The following WNT2 variants were observed in gnomAD, a reference collection of about 807,000 sequenced individuals.
The protein encoded by WNT2 is protein Wnt-2.
Under a neutral mutation model 36.9 loss-of-function variants are expected in WNT2, and 12 were observed. The observed-to-expected ratio is 0.33, with a 90% CI of 0.21 to 0.53. The LOEUF is 0.53. Ranked by LOEUF, WNT2 falls within the 20% of genes least tolerant of loss-of-function variation. The probability of loss-of-function intolerance (pLI) is 0.95; values close to 1 mark genes in which losing one functional copy is unlikely to be tolerated. For synonymous variants in WNT2, 163 were observed against 174.6 expected, an observed-to-expected ratio of 0.93 and a Z score of 0.52; for missense variants, 379 against 473.1, an observed-to-expected ratio of 0.80 and a Z score of 1.84.
chr7:117,298,793 G>A (rs147900569), intron 3 of WNT2, among the ~76,000 whole-genome samples: 158 of 152,296 alleles, frequency 1.0e-3, no homozygotes, highest in African/African-American at 3.4e-3. Context: ...CAAGTGAAGA[G>A]ATTATTAGCA....
At chr7:117,317,251 A>C (rs1203698422) in intron 2 of WNT2, among the ~76,000 whole-genome samples, 1 of 152,192 alleles carries the variant, frequency 6.6e-6, no homozygotes, top group African/African-American at 2.4e-5. Flanking sequence ...CAACAAGAGA[A>C]ATAAATTGTC....
intron 3 of WNT2, among the ~76,000 whole-genome samples, chr7:117,309,423 T>G (rs1795080156): frequency 6.6e-6 from 1 of 152,118 alleles, no homozygotes; most frequent in Non-Finnish European, 1.5e-5. Flanking sequence ...ACTAGAAATT[T>G]TGGACCCCCT....
chr7:117,293,348 A>G (rs1794727774), intron 4 of WNT2, among the ~76,000 whole-genome samples: 1 of 152,124 alleles, frequency 6.6e-6, no homozygotes, highest in Non-Finnish European at 1.5e-5. Context: ...GTCAGTTCCA[A>G]ATACTGATTC....
chr7:117,304,038 C>T (rs1370686669), intron 3 of WNT2, among the ~76,000 whole-genome samples: 1 of 152,200 alleles, frequency 6.6e-6, no homozygotes, highest in Non-Finnish European at 1.5e-5. Flanking sequence ...CATGTTTTCT[C>T]TTTTGATGTA....
intron 3 of WNT2, among the ~76,000 whole-genome samples, chr7:117,305,778 T>A (rs906159858): frequency 6.6e-6 from 1 of 152,164 alleles, no homozygotes; most frequent in South Asian, 2.1e-4. Context: ...GCTCGAGTGA[T>A]CCTCCTACCT....
At chr7:117,313,847 T>A (rs1477592465) in intron 3 of WNT2, among the ~76,000 whole-genome samples, 2 of 152,170 alleles carry the variant, frequency 1.3e-5, no homozygotes, top group African/African-American at 4.8e-5. Flanking sequence ...TTCATGAAAA[T>A]TAGGAATGTT....
intron 4 of WNT2, 107 bp downstream of exon 4, chr7:117,297,505 G>A: frequency 7.3e-7 from 1 of 1,368,154 alleles, no homozygotes. Context: ...AGGATCGTGA[G>A]CTTTGAACCT....
At chr7:117,292,805 GTTTA>G (rs1794715205) in intron 4 of WNT2, among the ~76,000 whole-genome samples, 1 of 152,128 alleles carries the variant, frequency 6.6e-6, no homozygotes, top group Non-Finnish European at 1.5e-5. Context: ...TTTGGGAGAT[GTTTA>G]TTTAGAGTTA....
chr7:117,298,919 T>C (rs1794847162), intron 3 of WNT2, among the ~76,000 whole-genome samples: 1 of 152,104 alleles, frequency 6.6e-6, no homozygotes, highest in Non-Finnish European at 1.5e-5. Context: ...TCACTCCCAC[T>C]CTCCCCAGGT....
intron 2 of WNT2, among the ~76,000 whole-genome samples, chr7:117,318,215 G>A (rs2116391622): frequency 6.6e-6 from 1 of 152,260 alleles, no homozygotes; most frequent in East Asian, 1.9e-4. Context: ...ATATTTAGGT[G>A]TCCACAACTC....
chr7:117,310,713 A>G (rs1795106074), intron 3 of WNT2, among the ~76,000 whole-genome samples: 1 of 151,454 alleles, frequency 6.6e-6, no homozygotes, highest in South Asian at 2.1e-4. Context: ...CCTCAACTTT[A>G]TGATACACTT....
rs887575 is a variant in WNT2, at chr7:117,276,174, A to G, written c.*1981T>C. On this transcript the variant is annotated 3_prime_UTR_variant, in exon 5 of 5. Transcript: ENST00000265441. The stretch of plus-strand genomic sequence containing the variant: ...CTCTTGGTCTCAATTTCCCCAAACT[A>G]AAGGAAGCTGAGATGTCTCCTAAGA... Among the ~76,000 whole-genome samples, 80,360 of 152,006 alleles carry G rather than the reference A, an allele frequency of 0.53. 21,710 individuals carry two copies. The highest frequency in any genetic ancestry group is 0.61 in the Middle Eastern group (179 of 294).
intron 4 of WNT2, among the ~76,000 whole-genome samples, chr7:117,280,152 A>G (rs541295149): frequency 6.6e-6 from 1 of 152,192 alleles, no homozygotes; most frequent in South Asian, 2.1e-4. Flanking sequence ...AGGATGGCAA[A>G]AGGCCGGGGT....
At chr7:117,321,049 T>C (rs1795315434) in intron 1 of WNT2, among the ~76,000 whole-genome samples, 1 of 152,226 alleles carries the variant, frequency 6.6e-6, no homozygotes, top group South Asian at 2.1e-4. Flanking sequence ...AAGCTAGGTC[T>C]ACCAGATGAT....
At chr7:117,286,331 G>A (rs1794578567) in intron 4 of WNT2, among the ~76,000 whole-genome samples, 5 of 152,138 alleles carry the variant, frequency 3.3e-5, no homozygotes, top group Admixed American at 3.3e-4. Flanking sequence ...AGGAGGAACA[G>A]AGGGGTTTTT....
intron 4 of WNT2, among the ~76,000 whole-genome samples, chr7:117,288,796 G>C (rs1160460497): frequency 6.6e-6 from 1 of 151,888 alleles, no homozygotes; most frequent in Non-Finnish European, 1.5e-5. Flanking sequence ...GCACATTTTA[G>C]TGTATCCTAA....
intron 4 of WNT2, among the ~76,000 whole-genome samples, chr7:117,292,531 C>T (rs1370696678): frequency 1.3e-5 from 2 of 152,150 alleles, no homozygotes; most frequent in East Asian, 1.9e-4. Context: ...AACAAATGTT[C>T]TCGCATCCTT....
intron 2 of WNT2, 130 bp downstream of exon 2, chr7:117,320,437 A>G: frequency 2.2e-6 from 2 of 895,682 alleles, no homozygotes; most frequent in African/African-American, 1.6e-5. Context: ...AACAGGGACA[A>G]TGACGCCCAA....
In WNT2 at chr7:117,284,755, T is replaced by TA. The variant is rs148340095; in HGVS notation, c.854-6372dup. ...CACTTATGTGAGCTAGGCCCCATGCTAAGCATTTTGCCTGCATTGTCTAAT... is the reference window on the plus strand; with the variant it reads ...CACTTATGTGAGCTAGGCCCCATGCTAAAGCATTTTGCCTGCATTGTCTAAT... On this transcript the variant is annotated intron_variant, in intron 4 of 4. Transcript: ENST00000265441. This position sits in a 1 kb window ranked among gnomAD's most constrained non-coding sequence, Gnocchi z 5.2. Among the ~76,000 whole-genome samples the TA allele has an allele frequency of 3.4e-4, 52 of 152,366 alleles. No individual in the cohort carries two copies. The highest frequency in any genetic ancestry group is 1.2e-3 in the African/African-American group (50 of 41,590).
Sources: allele counts gnomAD v4.1 joint callset (sites outside exome capture counted in the v4.1 genomes callset), GRCh38; gene constraint gnomAD v4.1.1; non-coding constraint Gnocchi (gnomAD v3.1); transcripts MANE v1.5; gene names NCBI Gene and HGNC (gene_info 2026-07-23, HGNC 2026-07-21).